The following MRPL4 variants were observed in gnomAD, a reference collection of about 807,000 sequenced individuals.
The protein encoded by MRPL4 is mitochondrial ribosomal protein L4.
Under a neutral mutation model 34.1 loss-of-function variants are expected in MRPL4, and 34 were observed. The observed-to-expected ratio is 1.00, with a 90% CI of 0.76 to 1.33. The LOEUF (loss-of-function observed/expected upper bound fraction) is 1.33, where lower values mean the gene tolerates loss of function less well. Ranked by LOEUF, MRPL4 falls within the 40% of genes most tolerant of loss-of-function variation. MRPL4 has a pLI of 0.00. For synonymous variants in MRPL4, 196 were observed against 188.3 expected, an observed-to-expected ratio of 1.04 and a Z score of -0.33; for missense variants, 402 against 434.6, an observed-to-expected ratio of 0.92 and a Z score of 0.67.
In MRPL4 at chr19:10,256,692, C is replaced by G. The variant is rs1208422790; in HGVS notation, c.328-16C>G. ...CTGCCTCGTGGACCTGACCCCCCTCCTCTTTGTGCCTCCAGAGCTATGCCA... is the reference window on the plus strand; with the variant it reads ...CTGCCTCGTGGACCTGACCCCCCTCGTCTTTGTGCCTCCAGAGCTATGCCA... On this transcript the variant is annotated splice_polypyrimidine_tract_variant and intron_variant, in intron 4 of 8. Coordinates refer to ENST00000253099, the MANE Select transcript of MRPL4 (RefSeq NM_015956.3). 6.2e-7 allele frequency: 1 copy of G among 1,609,694 alleles called. No homozygotes were observed. The highest frequency in any genetic ancestry group is 1.3e-5 in the African/African-American group (1 of 74,454).
chr19:10,253,395 C>G (rs940598461), intron 3 of MRPL4, among the ~76,000 whole-genome samples: 5 of 144,388 alleles, frequency 3.5e-5, no homozygotes, highest in Non-Finnish European at 7.5e-5. Context: ...AAGAGAATGG[C>G]GTGAACCCGG....
rs35481360 is a variant in MRPL4 at position 10,259,098 on chromosome 19, CAAAAAAAAAAAAAAAAA to C, written c.739+424_739+440del. ...TGGGGAGAGAGCTAGACTCTTGTCT[CAAAAAAAAAAAAAAAAA>C]AAAAAAAAAAGCTCCAAAGTCACCT... On this transcript the variant is annotated intron_variant, in intron 8 of 8. Coordinates refer to ENST00000253099, the MANE Select transcript of MRPL4 (RefSeq NM_015956.3). 5.6e-6 allele frequency: 3 copies of C among 539,840 alleles called. No individual in the cohort carries two copies. In the South Asian group the frequency reaches 2.8e-4, roughly 51 times the overall value. The allele number at this position is 539,840 out of a possible 1,614,324, so 33.4% of individuals were successfully genotyped here. A position where few individuals can be genotyped will look rare whatever the true frequency, so the allele number is the denominator to read the frequency against.
At chr19:10,254,188 T>G (rs2039826433) in intron 3 of MRPL4, among the ~76,000 whole-genome samples, 1 of 152,094 alleles carries the variant, frequency 6.6e-6, no homozygotes, top group African/African-American at 2.4e-5. Context: ...CCAGCTAATC[T>G]TTGTATATTT....
chr19:10,256,849 C>T (rs749526115), intron 5 of MRPL4, 24 bp downstream of exon 5: 6 of 22,524 alleles, frequency 2.7e-4, no homozygotes, highest in African/African-American at 1.3e-3. Flanking sequence ...GTGGAGGGGG[C>T]GGGGAGGGGT....
intron 5 of MRPL4, among the ~76,000 whole-genome samples, chr19:10,257,674 A>G (rs925821513): frequency 6.1e-4 from 93 of 152,084 alleles, no homozygotes; most frequent in African/African-American, 2.0e-3. Flanking sequence ...CCACCGGAGC[A>G]TGTGCCTGAT....
chr19:10,258,132 C>G (rs554721050), intron 5 of MRPL4, 90 bp from the exon 6 acceptor site: 13 of 911,818 alleles, frequency 1.4e-5, no homozygotes, highest in Middle Eastern at 3.3e-4. Flanking sequence ...CGCCCCCTCT[C>G]TCGTCACCCC....
chr19:10,258,472 A>G lies in MRPL4; in HGVS notation c.612A>G (p.Thr204=). The G allele has an allele frequency of 6.2e-7, 1 of 1,614,046 alleles. No homozygotes were observed. The highest frequency in any genetic ancestry group is 1.1e-5 in the South Asian group (1 of 91,068). Residue 204 remains threonine (T), a synonymous_variant, in exon 7 of 9, where the codon ACA becomes ACG. Transcript: ENST00000253099. ...ELPTGDPQYL[T]ELAHYRRWGD... ...CCACCGGAGACCCACAGTACCTGAC[A>G]GAGCTGGCGCACTACCGCCGCTGGG...
upstream of MRPL4, chr19:10,252,168 C>G: frequency 7.0e-7 from 1 of 1,424,278 alleles, no homozygotes; most frequent in Non-Finnish European, 9.3e-7. Context: ...GCGGGTAGGG[C>G]GGCGTCGCGT....
intron 4 of MRPL4, 46 bp downstream of exon 4, chr19:10,254,686 G>A (rs2039832304): frequency 1.9e-6 from 3 of 1,610,088 alleles, no homozygotes; most frequent in Middle Eastern, 1.6e-4. Context: ...GCTTCCTGGG[G>A]AGGTTGGGGA....
chr19:10,253,435 C>T (rs866710615), intron 3 of MRPL4, among the ~76,000 whole-genome samples: 2 of 143,150 alleles, frequency 1.4e-5, no homozygotes, highest in African/African-American at 5.3e-5. Flanking sequence ...GCCGAGATCG[C>T]GCCACTGCAC....
rs773930848 is a variant in MRPL4, at chr19:10,258,571, C to T, written c.663-38C>T. ...GGCAGGGGGCCCTGAGCTCCGTACT[C>T]TGAGGGTTCAACCCCCACTCCCTGG... On this transcript the variant is annotated intron_variant, in intron 7 of 8. Coordinates refer to ENST00000253099, the MANE Select transcript of MRPL4 (RefSeq NM_015956.3). 19 of 1,614,178 alleles carry T rather than the reference C, an allele frequency of 1.2e-5. No homozygotes were observed. The South Asian group carries it at 2.1e-4, about 18-fold the overall frequency.
intron 4 of MRPL4, among the ~76,000 whole-genome samples, chr19:10,256,159 G>A (rs138380419): frequency 0.01 from 1,591 of 152,210 alleles, 25 homozygotes; most frequent in African/African-American, 0.037. Context: ...GGCAGCGGGC[G>A]CCTGTAGTCC....
At chr19:10,257,490 T>A (rs975659567) in intron 5 of MRPL4, among the ~76,000 whole-genome samples, 1 of 152,114 alleles carries the variant, frequency 6.6e-6, no homozygotes, top group African/African-American at 2.4e-5. Flanking sequence ...CCCTGATTTC[T>A]TCTACAGCTG....
At chr19:10,256,866 G>GGGGGGGCC in intron 5 of MRPL4, 41 bp downstream of exon 5, 3 of 378,372 alleles carry the variant, frequency 7.9e-6, no homozygotes, top group East Asian at 6.2e-5. Flanking sequence ...GGGTGGGGGG[G>GGGGGGGCC]CCAGGGAAGG....
chr19:10,258,935 C>A, intron 8 of MRPL4: 1 of 1,425,630 alleles, frequency 7.0e-7, no homozygotes, highest in East Asian at 2.5e-5. Context: ...AGGCTCCCAT[C>A]TGTACTAAAA....
Position 10,259,675 on chromosome 19 carries a change from C to T in MRPL4, c.798C>T (p.Val266=), listed in dbSNP as rs148138853. ...CGCTGGTCCTGACGCTGCCCACCGTCGCCTTCCTGGAGGACAAGCTGCTCT... is the reference window on the plus strand; with the variant it reads ...CGCTGGTCCTGACGCTGCCCACCGTTGCCTTCCTGGAGGACAAGCTGCTCT... ...HQTLVLTLPT[V]AFLEDKLLWQ... is the part of the protein sequence containing the mutation. The change falls in exon 9 of 9, where the codon GTC becomes GTT. Residue 266 remains valine, a synonymous_variant. Transcript: ENST00000253099. The T allele has an allele frequency of 5.1e-4, 826 of 1,612,828 alleles. No homozygotes were observed. The highest frequency in any genetic ancestry group is 6.4e-4 in the Non-Finnish European group (754 of 1,179,704).
chr19:10,257,751 G>C (rs951750782), intron 5 of MRPL4, among the ~76,000 whole-genome samples: 7 of 151,942 alleles, frequency 4.6e-5, no homozygotes, highest in Admixed American at 2.6e-4. Flanking sequence ...CAGCGTGCTT[G>C]AGTTAAGTTC....
intron 4 of MRPL4, 105 bp from the exon 5 acceptor site, chr19:10,256,603 G>A (rs537325465): frequency 1.4e-4 from 127 of 890,988 alleles, no homozygotes; most frequent in African/African-American, 8.1e-4. Flanking sequence ...GAGAGAGCCC[G>A]TCATCATGGT....
chr19:10,256,922 T>C (rs1017241828), intron 5 of MRPL4, 97 bp downstream of exon 5: 2 of 1,020,888 alleles, frequency 2.0e-6, no homozygotes, highest in African/African-American at 1.7e-5. Context: ...TGGCATGGTA[T>C]TATGTCAGCC....
Sources: allele counts gnomAD v4.1 joint callset (sites outside exome capture counted in the v4.1 genomes callset), GRCh38; gene constraint gnomAD v4.1.1; transcripts MANE v1.5; gene names NCBI Gene and HGNC (gene_info 2026-07-23, HGNC 2026-07-21).